Variants in KCNC4 observed in about 807,000 individuals in gnomAD.
The protein encoded by KCNC4 is voltage-gated potassium channel KCNC4.
Under a neutral mutation model 42.8 loss-of-function variants are expected in KCNC4, and 23 were observed. That is an observed-to-expected ratio of 0.54 (90% confidence interval 0.39 to 0.76). The LOEUF (loss-of-function observed/expected upper bound fraction) is 0.76. KCNC4 is among the 30% of genes least tolerant of loss of function. The pLI is 0.00. For synonymous variants in KCNC4, 422 were observed against 393.5 expected, an observed-to-expected ratio of 1.07 and a Z score of -0.86; for missense variants, 751 against 898.2, an observed-to-expected ratio of 0.84 and a Z score of 2.10.
chr1:110,276,299 CAAAAAAAAAAAA>C (rs3062031), intron 1 of KCNC4, among the ~76,000 whole-genome samples: 1 of 98,896 alleles, frequency 1.0e-5, no homozygotes, highest in African/African-American at 3.7e-5. Context: ...TCAATTTATA[CAAAAAAAAAAAA>C]AAAAAAAAAA....
chr1:110,262,121 G>C (rs1320320537), intron 1 of KCNC4, among the ~76,000 whole-genome samples: 1 of 152,126 alleles, frequency 6.6e-6, no homozygotes, highest in African/African-American at 2.4e-5. Context: ...TGTGAATGAG[G>C]CCATATGTTT....
chr1:110,248,027 C>T (rs1382415784), exon 4 of KCNC4: 2 of 152,178 alleles, frequency 1.3e-5, no homozygotes, highest in Admixed American at 1.3e-4. Context: ...CCAATTAGAT[C>T]ACAGAGACCT....
At chr1:110,260,155 G>C (rs576960326) in intron 1 of KCNC4, among the ~76,000 whole-genome samples, 1 of 152,328 alleles carries the variant, frequency 6.6e-6, no homozygotes, top group Admixed American at 6.5e-5. Context: ...AATACATCTT[G>C]GCTGAGAAGT....
chr1:110,228,115 G>A (rs915772778), intron 3 of KCNC4, among the ~76,000 whole-genome samples: 19 of 152,252 alleles, frequency 1.2e-4, no homozygotes, highest in East Asian at 5.8e-4. Flanking sequence ...TCTCCACGCC[G>A]TACCGTGCCG....
At chr1:110,268,685 G>A (rs1659588633) in intron 1 of KCNC4, among the ~76,000 whole-genome samples, 1 of 149,116 alleles carries the variant, frequency 6.7e-6, no homozygotes, top group Non-Finnish European at 1.5e-5. Context: ...AGACAGGCTT[G>A]AGAAGTTTCT....
Position 110,223,495 on chromosome 1 carries a change from C to G in KCNC4, c.1210C>G (p.Arg404Gly). ...TGCCACCATGATCTACTACGCTGAG[C>G]GCATTGGGGCCAGGCCCTCCGACCC... ...IFATMIYYAE[R>G]IGARPSDPRG... Residue 404 changes from arginine to glycine, a missense_variant, in exon 2 of 4, where the codon CGC (arginine) becomes GGC (glycine). Around this residue, in one of 4 missense-constraint regions of KCNC4, gnomAD observed 185 missense variants for 293.7 expected, o/e 0.63. Coordinates refer to ENST00000438661, the MANE Select transcript of KCNC4 (RefSeq NM_001039574.3). The surrounding 1 kb of genome is among the most constrained non-coding windows in gnomAD (Gnocchi z 7.5). The G allele has an allele frequency of 6.2e-7, 1 of 1,613,914 alleles. No individual in the cohort carries two copies. The highest frequency in any genetic ancestry group is 8.5e-7 in the Non-Finnish European group (1 of 1,180,038).
chr1:110,222,852 TCTCA>T (rs1241958548), intron 1 of KCNC4, 108 bp from the exon 2 acceptor site: 88 of 734,936 alleles, frequency 1.2e-4, no homozygotes, highest in Non-Finnish European at 1.9e-4. Flanking sequence ...TAATCCCACC[TCTCA>T]CTCTGGAATG....
rs773326405 is a variant in KCNC4 at position 110,223,087 on chromosome 1, A to G, written c.802A>G (p.Ser268Gly). ...TEILRVGNIT[S>G]VHFRREVETE... ...GATCCTCCGCGTAGGGAACATCACC[A>G]GCGTGCACTTCCGGCGGGAGGTAGA... Residue 268 changes from serine to glycine, a missense_variant, in exon 2 of 4, where the codon AGC becomes GGC. Physicochemically the swap from Ser to Gly is moderately conservative, Grantham distance 56 (BLOSUM62 0). Transcript: ENST00000438661. This position sits in a 1 kb window ranked among gnomAD's most constrained non-coding sequence, Gnocchi z 7.5. The G allele has an allele frequency of 6.2e-7, 1 of 1,614,180 alleles. No homozygotes were observed.
At chr1:110,263,774 AC>A (rs1659492637) in intron 1 of KCNC4, among the ~76,000 whole-genome samples, 1 of 145,386 alleles carries the variant, frequency 6.9e-6, no homozygotes, top group Non-Finnish European at 1.5e-5. Context: ...CTGGAAGGCA[AC>A]CAGCCTTCCT....
At chr1:110,257,815 C>T (rs1659363900) in intron 1 of KCNC4, among the ~76,000 whole-genome samples, 1 of 151,408 alleles carries the variant, frequency 6.6e-6, no homozygotes, top group Admixed American at 6.6e-5. Flanking sequence ...TTTCTTCTAG[C>T]TTTCTGCATC....
chr1:110,212,955 T>C (rs1216963029), intron 1 of KCNC4, among the ~76,000 whole-genome samples: 7 of 152,070 alleles, frequency 4.6e-5, no homozygotes, highest in African/African-American at 1.7e-4. Flanking sequence ...CAGATTTTTG[T>C]TGCCGCTTCT....
At chr1:110,264,484 G>GT (rs1322427999) in intron 1 of KCNC4, among the ~76,000 whole-genome samples, 1 of 152,116 alleles carries the variant, frequency 6.6e-6, no homozygotes, top group African/African-American at 2.4e-5. Context: ...TCAGTCCTTA[G>GT]TCCCCCCTTA....
Position 110,232,622 on chromosome 1 carries a change from C to T in KCNC4, c.1820-289C>T, listed in dbSNP as rs577372616. 6.9e-6 allele frequency: 10 copies of T among 1,441,446 alleles called. No homozygotes were observed. The South Asian group carries it at 1.0e-4, about 15-fold the overall frequency. The allele number at this position is 1,441,446 out of a possible 1,614,324, so 89.3% of individuals were successfully genotyped here. A position where few individuals can be genotyped will look rare whatever the true frequency, so the allele number is the denominator to read the frequency against. On this transcript the variant is annotated intron_variant, in intron 3 of 3. Coordinates refer to ENST00000438661, the MANE Select transcript of KCNC4 (RefSeq NM_001039574.3). Reference sequence around the variant, plus strand: ...GGTATGGCGATGAGCTACAACATCACCTGAGTCACCAGAGTTGGGTTGGCA... The same window carrying T: ...GGTATGGCGATGAGCTACAACATCATCTGAGTCACCAGAGTTGGGTTGGCA...
chr1:110,271,784 G>A (rs1337093645), intron 1 of KCNC4, among the ~76,000 whole-genome samples: 1 of 152,136 alleles, frequency 6.6e-6, no homozygotes, highest in East Asian at 1.9e-4. Flanking sequence ...TGAGGTTGGG[G>A]AGGAGACTGT....
intron 1 of KCNC4, among the ~76,000 whole-genome samples, chr1:110,266,727 GC>G (rs901198066): frequency 1.8e-4 from 28 of 152,214 alleles, no homozygotes; most frequent in African/African-American, 6.7e-4. Flanking sequence ...ATCCAGATTG[GC>G]CCCCTTGCTC....
At chr1:110,234,589 T>C (rs1216741682), downstream of KCNC4, 1 of 152,216 alleles carries the variant, frequency 6.6e-6, no homozygotes, top group Non-Finnish European at 1.5e-5. Flanking sequence ...CTCTCACTGT[T>C]GTTATCCCTC....
At chr1:110,277,721 CTCCTCCAATTAAA>C in intron 1 of KCNC4, among the ~76,000 whole-genome samples, 1 of 152,330 alleles carries the variant, frequency 6.6e-6, no homozygotes, top group Non-Finnish European at 1.5e-5. Flanking sequence ...AAGCAGAGCC[CTCCTCCAATTAAA>C]TGTAGGCTAA....
chr1:110,254,239 C>A (rs1659295102), intron 1 of KCNC4, among the ~76,000 whole-genome samples: 1 of 152,184 alleles, frequency 6.6e-6, no homozygotes. Context: ...CATTCCCATT[C>A]TCAGCTAGAC....
intron 1 of KCNC4, among the ~76,000 whole-genome samples, 176 bp downstream of exon 1, chr1:110,212,353 C>T (rs563107566): frequency 1.3e-5 from 2 of 152,274 alleles, no homozygotes; most frequent in Non-Finnish European, 2.9e-5. Context: ...ACACTCCCAC[C>T]CTCTCCCCTG....
Sources: gnomAD v4.1 joint callset for allele counts (sites outside exome capture counted in the v4.1 genomes callset) on GRCh38, gnomAD v4.1.1 for gene constraint, gnomAD v4.1.1 regional missense constraint, Gnocchi (gnomAD v3.1) non-coding constraint, MANE v1.5 for transcripts, NCBI Gene and HGNC (gene_info 2026-07-23, HGNC 2026-07-21) for gene names.